GABRA1: variants seen among roughly 807,000 people sequenced by gnomAD.
GABRA1 encodes the protein gamma-aminobutyric acid type A receptor subunit alpha1.
GABRA1 carries 9 observed loss-of-function variants against 48.9 expected under a neutral mutation model. That is an observed-to-expected ratio of 0.18 (90% confidence interval 0.11 to 0.32). GABRA1 has a LOEUF of 0.32. Ranked by LOEUF, GABRA1 falls within the 10% of genes least tolerant of loss-of-function variation. The pLI is 1.00. For synonymous variants in GABRA1, 210 were observed against 198.7 expected (o/e 1.06, Z -0.48); for missense variants, 285 against 553.8 (o/e 0.51, Z 4.87).
intron 4 of GABRA1, among the ~76,000 whole-genome samples, chr5:161,870,946 CTGTGTGTGTGTGTGTGTGTGTGTGTGTG>C (rs59726286): frequency 7.1e-6 from 1 of 141,412 alleles, no homozygotes; most frequent in Non-Finnish European, 1.5e-5. Context: ...GAGTGTTGCT[CTGTGTGTGTGTGTGTGTGTGTGTGTGTG>C]TGTGTGTGTG....
chr5:161,851,408 C>A (rs907589164), intron 2 of GABRA1, among the ~76,000 whole-genome samples: 1 of 151,868 alleles, frequency 6.6e-6, no homozygotes, highest in East Asian at 1.9e-4. Context: ...CTATATGAGA[C>A]AAATATTTAA....
Position 161,865,749 on chromosome 5 carries a change from C to A in GABRA1, c.216C>A (p.Ile72=), listed in dbSNP as rs200716712. 22 of 1,613,032 alleles carry A rather than the reference C, an allele frequency of 1.4e-5. No homozygotes were observed. The highest frequency in any genetic ancestry group is 1.7e-4 in the Middle Eastern group (1 of 6,050). ...GTGTAACCGAAGTGAAGACTGATAT[C>A]TTCGTCACCAGTTTCGGACCCGTTT... ...GERVTEVKTD[I]FVTSFGPVSD... is the part of the protein sequence containing the mutation. The change falls in exon 4 of 10, where the codon ATC becomes ATA. Residue 72 remains isoleucine (I), a synonymous_variant. Transcript: ENST00000393943.
At chr5:161,888,600 A>G (rs1160305330) in intron 7 of GABRA1, among the ~76,000 whole-genome samples, 1 of 151,984 alleles carries the variant, frequency 6.6e-6, no homozygotes, top group Non-Finnish European at 1.5e-5. Context: ...TTTTTCTTTG[A>G]GCTGGTGACA....
chr5:161,894,283 G>A (rs1209416804), intron 8 of GABRA1, among the ~76,000 whole-genome samples: 1 of 152,110 alleles, frequency 6.6e-6, no homozygotes, highest in East Asian at 1.9e-4. Flanking sequence ...ACGTCATTCA[G>A]CAGTTATAGA....
At chr5:161,887,019 T>TTGATCAC (rs1754878721) in intron 7 of GABRA1, among the ~76,000 whole-genome samples, 1 of 152,072 alleles carries the variant, frequency 6.6e-6, no homozygotes, top group African/African-American at 2.4e-5. Context: ...AATAATGAAA[T>TTGATCAC]TGATCACGAA....
At chr5:161,863,362 G>A (rs982258260) in intron 3 of GABRA1, among the ~76,000 whole-genome samples, 1 of 151,926 alleles carries the variant, frequency 6.6e-6, no homozygotes, top group African/African-American at 2.4e-5. Context: ...GCATGACACT[G>A]GCATCTGCTT....
In GABRA1 at chr5:161,848,262, G is replaced by A. The variant is rs1757284955; in HGVS notation, c.-176G>A. 6.6e-6 allele frequency: 1 copy of A among 152,168 alleles called. No individual in the cohort carries two copies. Among genetic ancestry groups the A allele is most frequent in the Admixed American group, 6.5e-5 (1 of 15,270 alleles). 9.4% of individuals were successfully genotyped at this position (152,168 alleles called of 1,614,324 possible). On this transcript the variant is annotated 5_prime_UTR_variant, in exon 1 of 10. It removes an upstream start codon present in the reference 5' UTR. Transcript: ENST00000393943. ...CAAAGGAGCACGCAGAGTCCATGAT[G>A]GCTCAGACCAAGTGAGTGAGAGGCA...
chr5:161,850,904 A>C lies in GABRA1; in HGVS notation c.74+20A>C. On this transcript the variant is annotated intron_variant, in intron 2 of 9. Coordinates refer to ENST00000393943, the MANE Select transcript of GABRA1 (RefSeq NM_001127644.2). ...AAGAAGGTGGGGACACTTTTTTAAA[A>C]ATCTGCATGAAAATTTCTGTAACTT... is the stretch of plus-strand genomic sequence containing the variant. 6.3e-7 allele frequency: 1 copy of C among 1,597,436 alleles called. No individual in the cohort carries two copies. Among genetic ancestry groups the C allele is most frequent in the Non-Finnish European group, 8.6e-7 (1 of 1,164,822 alleles).
At chr5:161,857,659 G>A (rs1037503645) in intron 3 of GABRA1, among the ~76,000 whole-genome samples, 2 of 151,508 alleles carry the variant, frequency 1.3e-5, no homozygotes, top group Non-Finnish European at 3.0e-5. Flanking sequence ...AATTTAATAT[G>A]GTCTATTTGG....
At chr5:161,869,292 T>C (rs1000508515) in intron 4 of GABRA1, among the ~76,000 whole-genome samples, 4 of 152,180 alleles carry the variant, frequency 2.6e-5, no homozygotes, top group Admixed American at 6.6e-5. Context: ...CTAAATGCTT[T>C]CTAGAAATTT....
chr5:161,854,095 T>A, intron 2 of GABRA1, 63 bp from the exon 3 acceptor site: 1 of 825,256 alleles, frequency 1.2e-6, no homozygotes, highest in South Asian at 1.5e-5. Context: ...AGGATTTATT[T>A]GGAAAGAGGT....
intron 8 of GABRA1, 66 bp from the exon 9 acceptor site, chr5:161,895,600 T>C: frequency 5.1e-6 from 7 of 1,363,848 alleles, no homozygotes; most frequent in Non-Finnish European, 7.3e-6. Flanking sequence ...TCAAGTAGGC[T>C]GTCCCATCAT....
At chr5:161,864,725 A>T (rs1757987200) in intron 3 of GABRA1, among the ~76,000 whole-genome samples, 1 of 151,940 alleles carries the variant, frequency 6.6e-6, no homozygotes, top group Non-Finnish European at 1.5e-5. Context: ...TCAAGAGTAC[A>T]TTTTATAAAT....
Position 161,897,146 on chromosome 5 carries a change from C to T in GABRA1, c.1095C>T (p.Asn365=), listed in dbSNP as rs558548302. 6.2e-7 allele frequency: 1 copy of T among 1,614,012 alleles called. No homozygotes were observed. The highest frequency in any genetic ancestry group is 8.5e-7 in the Non-Finnish European group (1 of 1,179,976). ...TAAAGGATCCTCTTATTAAGAAAAA[C>T]AACACTTACGCTCCAACAGCAACCA... ...KKVKDPLIKK[N]NTYAPTATSY... Residue 365 remains asparagine, a synonymous_variant, in exon 10 of 10, where the codon AAC becomes AAT. Transcript: ENST00000393943.
At chr5:161,882,832 G>T in intron 7 of GABRA1, 131 bp downstream of exon 7, 1 of 886,790 alleles carries the variant, frequency 1.1e-6, no homozygotes, top group Non-Finnish European at 1.8e-6. Flanking sequence ...CAGTTGAGCT[G>T]GGAACTAATG....
At chr5:161,892,786 C>T (rs1755156735) in intron 8 of GABRA1, among the ~76,000 whole-genome samples, 1 of 151,844 alleles carries the variant, frequency 6.6e-6, no homozygotes, top group African/African-American at 2.4e-5. Context: ...GGGTGGATCA[C>T]GAGGTCAGGA....
chr5:161,884,048 C>A (rs1561580957), intron 7 of GABRA1, among the ~76,000 whole-genome samples: 2 of 151,990 alleles, frequency 1.3e-5, no homozygotes, highest in South Asian at 2.1e-4. Flanking sequence ...CAGTTGGAAA[C>A]TCTAGTATTG....
chr5:161,894,037 A>G (rs1463987256), intron 8 of GABRA1, among the ~76,000 whole-genome samples: 1 of 152,192 alleles, frequency 6.6e-6, no homozygotes, highest in South Asian at 2.1e-4. Context: ...TACATAAACC[A>G]AGATTTTTTT....
rs1027914174 is a variant in GABRA1 at position 161,848,345 on chromosome 5, G to C, written c.-93G>C. 1 of 152,432 alleles carries C rather than the reference G, an allele frequency of 6.6e-6. No homozygotes were observed. The highest frequency in any genetic ancestry group is 2.4e-5 in the African/African-American group (1 of 41,402). 9.4% of individuals were successfully genotyped at this position (152,432 alleles called of 1,614,324 possible). A position where few individuals can be genotyped will look rare whatever the true frequency, so the allele number is the denominator to read the frequency against. ...GGACTCGGACTCGCAGACTCGCGCT[G>C]GCTCCAGTCTCTCCACGATTCTCTC... On this transcript the variant is annotated 5_prime_UTR_variant, in exon 1 of 10. Transcript: ENST00000393943.
Sources: allele counts gnomAD v4.1 joint callset (sites outside exome capture counted in the v4.1 genomes callset), GRCh38; gene constraint gnomAD v4.1.1; transcripts MANE v1.5; gene names NCBI Gene and HGNC (gene_info 2026-07-23, HGNC 2026-07-21).